The following SORBS2 variants were observed in gnomAD, a reference collection of about 807,000 sequenced individuals.
SORBS2 encodes sorbin and SH3 domain containing 2, also known as sorbin and SH3 domain-containing protein 2.
In SORBS2, 46 loss-of-function variants were observed where a neutral mutation model predicts 97.7. The ratio of observed to expected loss-of-function variants is 0.47; its 90% CI spans 0.37 to 0.60. SORBS2 has a LOEUF of 0.60. SORBS2 is among the 20% of genes least tolerant of loss of function. SORBS2 has a pLI of 0.00. For synonymous variants in SORBS2, 476 were observed against 473.4 expected (o/e 1.01, Z -0.07); for missense variants, 1,316 against 1,282.3 (o/e 1.03, Z -0.40).
At chr4:185,604,811 T>C (rs1198005273) in intron 12 of SORBS2, among the ~76,000 whole-genome samples, 1 of 152,198 alleles carries the variant, frequency 6.6e-6, no homozygotes, top group Non-Finnish European at 1.5e-5. Context: ...TGATGGCTCC[T>C]TCTAAAAGTG....
chr4:185,653,572 T>C (rs1217098191), intron 1 of SORBS2, among the ~76,000 whole-genome samples: 1 of 152,178 alleles, frequency 6.6e-6, no homozygotes. Context: ...CATAATTATA[T>C]CTAAATCATA....
At chr4:185,764,830 A>C (rs951307388) in intron 2 of SORBS2, among the ~76,000 whole-genome samples, 9 of 152,196 alleles carry the variant, frequency 5.9e-5, no homozygotes, top group Non-Finnish European at 8.8e-5. Flanking sequence ...ATACTAATTC[A>C]ATTAAAGCCT....
At chr4:185,853,543 T>G (rs1163770958) in intron 1 of SORBS2, among the ~76,000 whole-genome samples, 1 of 152,160 alleles carries the variant, frequency 6.6e-6, no homozygotes, top group East Asian at 1.9e-4. Context: ...ATGAGAGGGA[T>G]ACACCAATGA....
At chr4:185,713,382 C>G (rs1583266977) in intron 2 of SORBS2, among the ~76,000 whole-genome samples, 2 of 152,196 alleles carry the variant, frequency 1.3e-5, no homozygotes. Context: ...CTGCAGAACA[C>G]TTCTTATCAC....
chr4:185,638,001 C>T (rs954941206), intron 4 of SORBS2, 78 bp downstream of exon 15: 11 of 890,840 alleles, frequency 1.2e-5, no homozygotes, highest in African/African-American at 9.9e-5. Context: ...ATGACACCCA[C>T]GTCTACTGAT....
intron 13 of SORBS2, among the ~76,000 whole-genome samples, chr4:185,590,361 T>C (rs569657968): frequency 5.3e-5 from 8 of 152,206 alleles, no homozygotes; most frequent in Admixed American, 2.6e-4. Context: ...TTATTTTTTT[T>C]ACTAAGAGGA....
chr4:185,878,990 G>A (rs1006562313), intron 1 of SORBS2, among the ~76,000 whole-genome samples: 4 of 152,210 alleles, frequency 2.6e-5, no homozygotes, highest in Middle Eastern at 3.4e-3. Flanking sequence ...CTTTCTATCC[G>A]TTACTCGGCT....
chr4:185,715,653 A>G (rs2098459381), intron 2 of SORBS2, among the ~76,000 whole-genome samples: 1 of 152,214 alleles, frequency 6.6e-6, no homozygotes. Flanking sequence ...TTATGTAGCG[A>G]GTAGAACATT....
At chr4:185,950,969 G>A (rs557566059) in intron 1 of SORBS2, among the ~76,000 whole-genome samples, 31 of 152,288 alleles carry the variant, frequency 2.0e-4, no homozygotes, top group South Asian at 8.3e-4. Flanking sequence ...GAAAAATACC[G>A]ATAGAGTTTA....
Position 185,607,226 on chromosome 4 carries a change from G to C in SORBS2, c.2796+4554C>G, listed in dbSNP as rs962151399. The C allele has an allele frequency of 3.3e-6, 4 of 1,200,686 alleles. No homozygotes were observed. In the African/African-American group the frequency reaches 6.6e-5, roughly 20 times the overall value. 74.4% of individuals were successfully genotyped at this position (1,200,686 alleles called of 1,614,324 possible). A position where few individuals can be genotyped will look rare whatever the true frequency, so the allele number is the denominator to read the frequency against. Reference sequence around the variant, plus strand: ...AAACGAGGTGGTGTTGGGGCCAAAGGGTTTGCTGGTAGACATGAGGCTGTC... The same window carrying C: ...AAACGAGGTGGTGTTGGGGCCAAAGCGTTTGCTGGTAGACATGAGGCTGTC... On this transcript the variant is annotated intron_variant, in intron 12 of 14. Coordinates refer to ENST00000418609, the Ensembl canonical transcript of SORBS2. The surrounding 1 kb of genome is among the most constrained non-coding windows in gnomAD (Gnocchi z 5.2).
chr4:185,720,767 A>G (rs2098506345), intron 2 of SORBS2, among the ~76,000 whole-genome samples: 1 of 152,224 alleles, frequency 6.6e-6, no homozygotes, highest in Non-Finnish European at 1.5e-5. Context: ...ATCATCTCAA[A>G]GAATGAATTG....
At chr4:185,852,656 G>GGGCT (rs1214196463) in intron 1 of SORBS2, among the ~76,000 whole-genome samples, 1 of 152,028 alleles carries the variant, frequency 6.6e-6, no homozygotes, top group Non-Finnish European at 1.5e-5. Context: ...TGGAATTTGT[G>GGGCT]GGCTGCCAAA....
At chr4:185,600,074 G>A (rs1488842275) in intron 12 of SORBS2, among the ~76,000 whole-genome samples, 1 of 152,228 alleles carries the variant, frequency 6.6e-6, no homozygotes, top group East Asian at 1.9e-4. Context: ...TGTACAAGAA[G>A]TTAGTTAGCT....
At chr4:185,710,437 G>A (rs1000351595) in intron 2 of SORBS2, among the ~76,000 whole-genome samples, 3 of 152,220 alleles carry the variant, frequency 2.0e-5, no homozygotes, top group South Asian at 4.1e-4. Flanking sequence ...TCTTTAAAAC[G>A]AGGGAAAAGG....
intron 2 of SORBS2, among the ~76,000 whole-genome samples, chr4:185,745,663 T>G (rs970963324): frequency 2.0e-5 from 3 of 152,344 alleles, no homozygotes; most frequent in East Asian, 3.9e-4. Context: ...AATTTAAATT[T>G]AAATATTATT....
At chr4:185,610,034 C>T (rs1464897892) in intron 12 of SORBS2, among the ~76,000 whole-genome samples, 1 of 152,080 alleles carries the variant, frequency 6.6e-6, no homozygotes, top group African/African-American at 2.4e-5. Flanking sequence ...TTTGTACATG[C>T]CTCTGTTTAA....
At chr4:185,919,156 A>G (rs2099259792) in intron 1 of SORBS2, among the ~76,000 whole-genome samples, 1 of 152,196 alleles carries the variant, frequency 6.6e-6, no homozygotes, top group South Asian at 2.1e-4. Flanking sequence ...ATGAACCAGC[A>G]TAGTTAACCC....
At chr4:185,760,794 G>T (rs2098880292) in intron 2 of SORBS2, among the ~76,000 whole-genome samples, 1 of 152,198 alleles carries the variant, frequency 6.6e-6, no homozygotes, top group African/African-American at 2.4e-5. Flanking sequence ...GTTGCATGAG[G>T]ATATAAAAAT....
chr4:185,693,827 T>C (rs1387106441), intron 2 of SORBS2, among the ~76,000 whole-genome samples: 1 of 152,216 alleles, frequency 6.6e-6, no homozygotes, highest in East Asian at 1.9e-4. Flanking sequence ...ATGCCGATAT[T>C]TACAGAATAT....
Sources: allele counts gnomAD v4.1 joint callset (sites outside exome capture counted in the v4.1 genomes callset), GRCh38; gene constraint gnomAD v4.1.1; non-coding constraint Gnocchi (gnomAD v3.1); transcripts MANE v1.5; gene names NCBI Gene and HGNC (gene_info 2026-07-23, HGNC 2026-07-21).